MICU2: variants seen among roughly 807,000 people sequenced by gnomAD.
MICU2 encodes the protein calcium uptake protein 2, mitochondrial.
In MICU2, 64 loss-of-function variants were observed where a neutral mutation model predicts 60.4. The ratio of observed to expected loss-of-function variants is 1.06; its 90% CI spans 0.87 to 1.31. MICU2 has a LOEUF of 1.31. Ranked by LOEUF, MICU2 falls within the 50% of genes most tolerant of loss-of-function variation. MICU2 has a pLI of 0.00. For missense variants in MICU2, 569 were observed against 531.0 expected, an observed-to-expected ratio of 1.07 and a Z score of -0.70; for synonymous variants, 201 against 175.0, an observed-to-expected ratio of 1.15 and a Z score of -1.17.
At chr13:21,588,698 G>A (rs184436862) in intron 1 of MICU2, among the ~76,000 whole-genome samples, 8 of 152,278 alleles carry the variant, frequency 5.3e-5, no homozygotes, top group Non-Finnish European at 1.5e-5. Flanking sequence ...ACCAGAAGTG[G>A]CACTTGTGCT....
chr13:21,503,482 T>C (rs1886228251), intron 8 of MICU2, among the ~76,000 whole-genome samples: 1 of 152,228 alleles, frequency 6.6e-6, no homozygotes, highest in Non-Finnish European at 1.5e-5. Flanking sequence ...AATTTAAAAT[T>C]GAGGTGGGAC....
intron 1 of MICU2, among the ~76,000 whole-genome samples, chr13:21,571,688 A>T (rs548412952): frequency 4.3e-4 from 66 of 152,350 alleles, no homozygotes; most frequent in Non-Finnish European, 6.9e-4. Flanking sequence ...ACAGAGCGAG[A>T]CTGCGTCTCA....
chr13:21,544,151 A>G (rs939818750), intron 2 of MICU2, among the ~76,000 whole-genome samples: 3 of 152,182 alleles, frequency 2.0e-5, no homozygotes, highest in African/African-American at 7.2e-5. Flanking sequence ...CACCTTATAT[A>G]AAAATCAACT....
At chr13:21,568,826 T>C (rs927001180) in intron 1 of MICU2, among the ~76,000 whole-genome samples, 5 of 133,046 alleles carry the variant, frequency 3.8e-5, no homozygotes, top group African/African-American at 1.4e-4. Context: ...ACATGAAAAC[T>C]ATTTTCAAAG....
At chr13:21,580,662 T>C (rs1888328484) in intron 1 of MICU2, among the ~76,000 whole-genome samples, 1 of 150,432 alleles carries the variant, frequency 6.6e-6, no homozygotes, top group African/African-American at 2.4e-5. Context: ...AAAATTAGTT[T>C]CTAAATATTT....
chr13:21,511,419 G>C (rs1886425313), intron 7 of MICU2, among the ~76,000 whole-genome samples: 1 of 152,166 alleles, frequency 6.6e-6, no homozygotes, highest in Admixed American at 6.5e-5. Flanking sequence ...CAAAAACCCA[G>C]TCTAGAAGAA....
intron 7 of MICU2, among the ~76,000 whole-genome samples, chr13:21,513,739 C>CAAAAAAAAAAAAAAAAAAA (rs376128312): frequency 1.7e-5 from 1 of 59,110 alleles, no homozygotes. Flanking sequence ...GACTCTGTCT[C>CAAAAAAAAAAAAAAAAAAA]AAAAAAAAAA....
In MICU2 at chr13:21,543,036, A is replaced by G. The variant is rs9580153; in HGVS notation, c.359-3348T>C. On this transcript the variant is annotated intron_variant, in intron 2 of 11. Transcript: ENST00000382374. ...ACAATAGACACATTTTCTTTATTTCATAACTTTTTCATAAATATATGTGAC... is the reference window on the plus strand; with the variant it reads ...ACAATAGACACATTTTCTTTATTTCGTAACTTTTTCATAAATATATGTGAC... 5.6e-3 allele frequency among the ~76,000 whole-genome samples: 847 copies of G among 152,332 alleles called. 6 individuals carry two copies. The highest frequency in any genetic ancestry group is 0.019 in the African/African-American group (800 of 41,578).
At chr13:21,575,729 CAAAAAAA>C (rs10557584) in intron 1 of MICU2, among the ~76,000 whole-genome samples, 1 of 48,058 alleles carries the variant, frequency 2.1e-5, no homozygotes, top group Non-Finnish European at 3.5e-5. Flanking sequence ...GACTCTGTCT[CAAAAAAA>C]AAAAAAAAAA....
At chr13:21,553,474 TA>T (rs1433252564) in intron 2 of MICU2, among the ~76,000 whole-genome samples, 1 of 152,052 alleles carries the variant, frequency 6.6e-6, no homozygotes, top group Non-Finnish European at 1.5e-5. Context: ...CTATGTTGAA[TA>T]GGAGTGGTGA....
chr13:21,523,157 A>G (rs1886761778), intron 4 of MICU2, among the ~76,000 whole-genome samples: 1 of 152,130 alleles, frequency 6.6e-6, no homozygotes, highest in Non-Finnish European at 1.5e-5. Context: ...AGGCCTCCAA[A>G]TGTGGACTGA....
intron 2 of MICU2, among the ~76,000 whole-genome samples, chr13:21,555,084 C>A (rs1887669073): frequency 6.6e-6 from 1 of 152,128 alleles, no homozygotes; most frequent in Non-Finnish European, 1.5e-5. Context: ...TGAATTCTAC[C>A]AGAGGTACAA....
rs1192310591 is a variant in MICU2 at position 21,493,361 on chromosome 13, C to T, written c.1201-8G>A. 4.4e-6 allele frequency: 7 copies of T among 1,581,254 alleles called. No individual in the cohort carries two copies. The highest frequency in any genetic ancestry group is 5.1e-6 in the Non-Finnish European group (6 of 1,166,264). On this transcript the variant is annotated splice_region_variant and splice_polypyrimidine_tract_variant and intron_variant, in intron 11 of 11. Coordinates refer to ENST00000382374, the MANE Select transcript of MICU2 (RefSeq NM_152726.3). ...ACTCTGATGTTGTGGTACCTGTTAA[C>T]CGAAAGTAAAAATCAAGGGGTCATT...
chr13:21,512,588 C>T (rs758188533), intron 7 of MICU2, among the ~76,000 whole-genome samples: 8 of 151,864 alleles, frequency 5.3e-5, no homozygotes, highest in Middle Eastern at 6.8e-3. Flanking sequence ...GCTGGGACTA[C>T]GGGTGCCCGC....
intron 1 of MICU2, chr13:21,603,689 T>G: frequency 1.8e-6 from 1 of 550,254 alleles, no homozygotes; most frequent in Non-Finnish European, 3.2e-6. Flanking sequence ...GGCCGTGGTG[T>G]TCAGCGTCCG....
intron 1 of MICU2, among the ~76,000 whole-genome samples, chr13:21,578,496 G>T (rs1333523430): frequency 6.6e-6 from 1 of 152,132 alleles, no homozygotes; most frequent in African/African-American, 2.4e-5. Context: ...GGCTGAAGTG[G>T]GAGGATCACT....
At chr13:21,523,087 G>A (rs1886759169) in intron 4 of MICU2, among the ~76,000 whole-genome samples, 1 of 152,134 alleles carries the variant, frequency 6.6e-6, no homozygotes, top group Admixed American at 6.6e-5. Context: ...CACTTCTTGA[G>A]CTGGAACATC....
At chr13:21,594,541 G>T (rs1403083154) in intron 1 of MICU2, among the ~76,000 whole-genome samples, 2 of 152,080 alleles carry the variant, frequency 1.3e-5, no homozygotes, top group Non-Finnish European at 2.9e-5. Flanking sequence ...TATAACCAAA[G>T]GAATATAAAT....
At chr13:21,568,367 G>A (rs1888032073) in intron 1 of MICU2, among the ~76,000 whole-genome samples, 1 of 152,056 alleles carries the variant, frequency 6.6e-6, no homozygotes, top group South Asian at 2.1e-4. Context: ...CACGTGTACA[G>A]AATATCAATA....
Sources: allele counts gnomAD v4.1 joint callset (sites outside exome capture counted in the v4.1 genomes callset), GRCh38; gene constraint gnomAD v4.1.1; transcripts MANE v1.5; gene names NCBI Gene and HGNC (gene_info 2026-07-23, HGNC 2026-07-21).